SGK2: variants seen among roughly 807,000 people sequenced by gnomAD.
The protein encoded by SGK2 is serine/threonine-protein kinase Sgk2.
SGK2 carries 36 observed loss-of-function variants against 47.5 expected under a neutral mutation model. The ratio of observed to expected loss-of-function variants is 0.76; its 90% CI spans 0.58 to 1.00. The LOEUF (loss-of-function observed/expected upper bound fraction) is 1.00, where lower values mean the gene tolerates loss of function less well. Ranked by LOEUF, SGK2 falls within the 50% of genes least tolerant of loss-of-function variation. The pLI is 0.00. For missense variants in SGK2, 404 were observed against 467.4 expected (o/e 0.86, Z 1.25); for synonymous variants, 157 against 181.9 (o/e 0.86, Z 1.10).
At chr20:43,577,570 C>T (rs1980541550) in intron 11 of SGK2, among the ~76,000 whole-genome samples, 1 of 150,090 alleles carries the variant, frequency 6.7e-6, no homozygotes, top group African/African-American at 2.5e-5. Context: ...CAGATGGTCT[C>T]GATCTTTTGA....
At chr20:43,583,115 A>G (rs1980897364) in intron 12 of SGK2, 1 of 1,155,634 alleles carries the variant, frequency 8.7e-7, no homozygotes, top group African/African-American at 1.6e-5. Flanking sequence ...ATGTTAATTC[A>G]CCATTTACAT....
Position 43,567,658 on chromosome 20 carries a change from C to A in SGK2, c.87-7C>A. The A allele has an allele frequency of 6.2e-7, 1 of 1,613,814 alleles. No individual in the cohort carries two copies. The highest frequency in any genetic ancestry group is 8.5e-7 in the Non-Finnish European group (1 of 1,179,756). On this transcript the variant is annotated splice_polypyrimidine_tract_variant and splice_region_variant and intron_variant, in intron 3 of 12. Transcript: ENST00000373100. ...ATGCTGATCCGTGTTTTTCCCTCTTCCCCCAGTGCCCAGCCCACGGACTTC... is the reference window on the plus strand; with the variant it reads ...ATGCTGATCCGTGTTTTTCCCTCTTACCCCAGTGCCCAGCCCACGGACTTC...
At chr20:43,562,126 G>A (rs1347784012) in intron 1 of SGK2, among the ~76,000 whole-genome samples, 1 of 151,924 alleles carries the variant, frequency 6.6e-6, no homozygotes, top group Non-Finnish European at 1.5e-5. Context: ...TTAACTTCGA[G>A]ATACCAGCCA....
chr20:43,569,689 C>A (rs1979979175), intron 6 of SGK2, 173 bp downstream of exon 6: 11 of 649,016 alleles, frequency 1.7e-5, no homozygotes, highest in Non-Finnish European at 2.6e-5. Context: ...TCAAGGCCAC[C>A]CAGCGCATAC....
intron 1 of SGK2, among the ~76,000 whole-genome samples, chr20:43,563,463 C>A (rs1362035319): frequency 2.0e-5 from 3 of 152,242 alleles, no homozygotes; most frequent in African/African-American, 7.2e-5. Flanking sequence ...ATAGAGGTCA[C>A]TGGTCCACGG....
chr20:43,563,548 G>C (rs574619654), intron 1 of SGK2, among the ~76,000 whole-genome samples: 5 of 152,198 alleles, frequency 3.3e-5, no homozygotes, highest in Non-Finnish European at 7.3e-5. Context: ...TGGAGACAAG[G>C]AGTCCAGACA....
At chr20:43,583,310 C>T (rs1425761295) in intron 12 of SGK2, 1 of 1,288,784 alleles carries the variant, frequency 7.8e-7, no homozygotes, top group Non-Finnish European at 1.0e-6. Context: ...GATGAATGGA[C>T]TTTAGAATGA....
At chr20:43,583,054 C>A in intron 12 of SGK2, 2 of 595,074 alleles carry the variant, frequency 3.4e-6, no homozygotes, top group Non-Finnish European at 2.5e-6. Flanking sequence ...ACCTGTAAAG[C>A]ATGGTGCCAA....
chr20:43,575,554 T>C (rs2145551242), intron 10 of SGK2, among the ~76,000 whole-genome samples: 1 of 149,298 alleles, frequency 6.7e-6, no homozygotes, highest in Non-Finnish European at 1.5e-5. Flanking sequence ...CAGCAGGAAA[T>C]GGAGTTATTC....
At chr20:43,582,433 G>A (rs1443587019) in intron 12 of SGK2, among the ~76,000 whole-genome samples, 1 of 151,840 alleles carries the variant, frequency 6.6e-6, no homozygotes, top group African/African-American at 2.4e-5. Context: ...TGTTGCCCAG[G>A]CTGGAGTGCA....
At chr20:43,564,638 C>CAA (rs58527104) in intron 1 of SGK2, 11,932 of 149,988 alleles carry the variant, frequency 0.08, 976 homozygotes, top group African/African-American at 0.22. Context: ...CACAGACTCA[C>CAA]ACTCACCCAC....
At chr20:43,562,514 G>A (rs1425503636) in intron 1 of SGK2, among the ~76,000 whole-genome samples, 2 of 151,878 alleles carry the variant, frequency 1.3e-5, no homozygotes, top group African/African-American at 4.8e-5. Context: ...GCAGGGGTGG[G>A]TGGATCACAT....
rs779415494 is a variant in SGK2, at chr20:43,571,067, GTGT to G, written c.510+8_510+10del. The G allele has an allele frequency of 8.4e-4, 89 of 106,342 alleles. No individual in the cohort carries two copies. Among genetic ancestry groups the G allele is most frequent in the East Asian group, 2.1e-3 (11 of 5,242 alleles). The allele number at this position is 106,342 out of a possible 1,614,324, so 6.6% of individuals were successfully genotyped here. On this transcript the variant is annotated splice_region_variant and intron_variant, in intron 8 of 12. Transcript: ENST00000373100. ...CATTCTCTTGGACTGCCAGGTTGGT[GTGT>G]GTGTGTGTGTGTGTGTGTGTGTGTG...
chr20:43,577,689 G>T (rs1445505510), intron 11 of SGK2, among the ~76,000 whole-genome samples: 1 of 149,744 alleles, frequency 6.7e-6, no homozygotes, highest in Non-Finnish European at 1.5e-5. Flanking sequence ...TGTCACCCAG[G>T]CTGGAGTGCA....
At chr20:43,571,950 C>A in intron 8 of SGK2, 101 bp from the exon 9 acceptor site, 1 of 769,574 alleles carries the variant, frequency 1.3e-6, no homozygotes, top group Non-Finnish European at 2.2e-6. Flanking sequence ...TCAGATCCCA[C>A]AGCTGCTGCC....
At chr20:43,564,586 T>C (rs1451297518) in intron 1 of SGK2, among the ~76,000 whole-genome samples, 1 of 152,056 alleles carries the variant, frequency 6.6e-6, no homozygotes, top group Non-Finnish European at 1.5e-5. Flanking sequence ...CACATATTAA[T>C]AGACACCCAT....
intron 5 of SGK2, among the ~76,000 whole-genome samples, 173 bp from the exon 6 acceptor site, chr20:43,569,212 A>G (rs1280104194): frequency 6.6e-6 from 1 of 152,142 alleles, no homozygotes; most frequent in Admixed American, 6.5e-5. Context: ...ATACTAAGGA[A>G]GGAACTTGGG....
At chr20:43,566,390 G>C in intron 1 of SGK2, 83 bp from the exon 2 acceptor site, 1 of 1,614,208 alleles carries the variant, frequency 6.2e-7, no homozygotes, top group African/African-American at 1.3e-5. Context: ...GATGGAGAGG[G>C]CAGTGGTGCC....
chr20:43,571,178 T>C, intron 8 of SGK2, 118 bp downstream of exon 8: 1 of 1,493,068 alleles, frequency 6.7e-7, no homozygotes, highest in Non-Finnish European at 9.1e-7. Context: ...TGTATGCATA[T>C]AGGTAGAGGA....
Sources: gnomAD v4.1 joint callset for allele counts (sites outside exome capture counted in the v4.1 genomes callset) on GRCh38, gnomAD v4.1.1 for gene constraint, MANE v1.5 for transcripts, NCBI Gene and HGNC (gene_info 2026-07-23, HGNC 2026-07-21) for gene names.